The following FAM81A variants were observed in gnomAD, a reference collection of about 807,000 sequenced individuals.
FAM81A encodes family with sequence similarity 81 member A.
In FAM81A, 19 loss-of-function variants were observed where a neutral mutation model predicts 46.7. That is an observed-to-expected ratio of 0.41 (90% CI 0.28 to 0.60). The LOEUF (loss-of-function observed/expected upper bound fraction) is 0.60, where lower values mean the gene tolerates loss of function less well. Ranked by LOEUF, FAM81A falls within the 20% of genes least tolerant of loss-of-function variation. The probability of loss-of-function intolerance (pLI) is 0.34; values close to 1 mark genes in which losing one functional copy is unlikely to be tolerated. For synonymous variants in FAM81A, 183 were observed against 152.9 expected, an observed-to-expected ratio of 1.20 and a Z score of -1.45; for missense variants, 377 against 453.5, an observed-to-expected ratio of 0.83 and a Z score of 1.53.
chr15:59,472,897 T>C (rs1227518028), intron 3 of FAM81A, among the ~76,000 whole-genome samples: 1 of 152,230 alleles, frequency 6.6e-6, no homozygotes, highest in Non-Finnish European at 1.5e-5. Flanking sequence ...CTGGTATCTA[T>C]ATTAAGAATG....
At chr15:59,426,689 T>A (rs2081196433) in intron 2 of FAM81A, among the ~76,000 whole-genome samples, 1 of 152,214 alleles carries the variant, frequency 6.6e-6, no homozygotes, top group African/African-American at 2.4e-5. Context: ...CTGATGTTTC[T>A]TCATCTTTTA....
intron 2 of FAM81A, among the ~76,000 whole-genome samples, chr15:59,410,169 C>T (rs2081114154): frequency 6.6e-6 from 1 of 151,940 alleles, no homozygotes; most frequent in Non-Finnish European, 1.5e-5. Flanking sequence ...TGGTGGCGTG[C>T]ACCTGTAGTC....
chr15:59,417,774 T>C (rs1181344224), intron 2 of FAM81A, among the ~76,000 whole-genome samples: 1 of 152,148 alleles, frequency 6.6e-6, no homozygotes, highest in African/African-American at 2.4e-5. Context: ...TTATCCCTTT[T>C]ATTTTTTTTA....
intron 1 of FAM81A, among the ~76,000 whole-genome samples, chr15:59,443,723 T>C (rs187994937): frequency 1.7e-4 from 26 of 152,290 alleles, no homozygotes; most frequent in Non-Finnish European, 2.9e-4. Context: ...CAGACAGTCA[T>C]TGAGTCAAGT....
At chr15:59,401,355 T>C in intron 1 of FAM81A, 1 of 788,348 alleles carries the variant, frequency 1.3e-6, no homozygotes, top group East Asian at 2.4e-5. Flanking sequence ...GCAGTACCTT[T>C]GGTAATAACA....
At chr15:59,438,117 G>C (rs1454996260), upstream of FAM81A, 1 of 146,168 alleles carries the variant, frequency 6.8e-6, no homozygotes, top group Non-Finnish European at 1.5e-5. Context: ...CGCGAACCCG[G>C]CCGGGCCGCG....
intron 3 of FAM81A, among the ~76,000 whole-genome samples, chr15:59,482,029 C>G (rs953552369): frequency 7.9e-5 from 12 of 152,054 alleles, no homozygotes; most frequent in African/African-American, 2.7e-4. Flanking sequence ...ATACTCTCTG[C>G]TCCCACACAT....
At chr15:59,507,913 G>A (rs190465064) in intron 5 of FAM81A, among the ~76,000 whole-genome samples, 20 of 152,298 alleles carry the variant, frequency 1.3e-4, no homozygotes, top group Admixed American at 1.2e-3. Context: ...ATCATAGGGC[G>A]TGTCTTCTAG....
chr15:59,437,484 G>A (rs1377460839), upstream of FAM81A, among the ~76,000 whole-genome samples: 2 of 152,090 alleles, frequency 1.3e-5, no homozygotes, highest in Middle Eastern at 6.3e-3. Flanking sequence ...GCGCTGGGAG[G>A]GGATGAAGCT....
At chr15:59,511,336 T>C (rs996573807) in intron 6 of FAM81A, among the ~76,000 whole-genome samples, 2 of 152,212 alleles carry the variant, frequency 1.3e-5, no homozygotes, top group East Asian at 1.9e-4. Flanking sequence ...ATTAGAAACA[T>C]TGAATAACTT....
At chr15:59,416,796 G>A (rs78588927) in intron 2 of FAM81A, among the ~76,000 whole-genome samples, 1,525 of 152,162 alleles carry the variant, frequency 0.01, 9 homozygotes, top group South Asian at 0.019. Context: ...AGCGGTCACT[G>A]GAATCATTCC....
At chr15:59,423,614 G>A (rs2081184031) in intron 2 of FAM81A, among the ~76,000 whole-genome samples, 1 of 152,238 alleles carries the variant, frequency 6.6e-6, no homozygotes, top group Middle Eastern at 3.4e-3. Flanking sequence ...ATGGAGAAAC[G>A]TAAACTCTTA....
intron 2 of FAM81A, among the ~76,000 whole-genome samples, chr15:59,428,315 G>T (rs1184401825): frequency 1.3e-5 from 2 of 152,116 alleles, no homozygotes; most frequent in East Asian, 3.9e-4. Context: ...TTCCTTGTCA[G>T]ATGAGTCCTC....
At chr15:59,423,162 A>C (rs1383516677) in intron 2 of FAM81A, among the ~76,000 whole-genome samples, 1 of 152,060 alleles carries the variant, frequency 6.6e-6, no homozygotes, top group Middle Eastern at 3.2e-3. Flanking sequence ...CAGTGGCGCG[A>C]TCTCGGCTCA....
intron 1 of FAM81A, among the ~76,000 whole-genome samples, chr15:59,451,807 C>T (rs2081422650): frequency 1.3e-5 from 1 of 75,784 alleles, no homozygotes; most frequent in South Asian, 3.5e-4. Flanking sequence ...CTGTGTATAC[C>T]ATCCTCCTTT....
intron 2 of FAM81A, 105 bp from the exon 3 acceptor site, chr15:59,459,828 G>A (rs1280657675): frequency 7.1e-7 from 1 of 1,412,498 alleles, no homozygotes; most frequent in Non-Finnish European, 9.3e-7. Context: ...TATTTAGCTT[G>A]TAGTTATAGA....
intron 3 of FAM81A, among the ~76,000 whole-genome samples, chr15:59,477,833 G>T (rs930463434): frequency 6.6e-6 from 1 of 152,150 alleles, no homozygotes; most frequent in Non-Finnish European, 1.5e-5. Flanking sequence ...TTGAATGGAA[G>T]AATTTATTGT....
Position 59,503,191 on chromosome 15 carries a change from G to A in FAM81A, c.414-4022G>A, listed in dbSNP as rs372488613. Among the ~76,000 whole-genome samples the A allele has an allele frequency of 9.0e-5, 13 of 144,094 alleles. No individual in the cohort carries two copies. In the East Asian group the frequency reaches 1.4e-3, roughly 16 times the overall value. 94.5% of individuals were successfully genotyped at this position (144,094 alleles called of 152,430 possible). A position where few individuals can be genotyped will look rare whatever the true frequency, so the allele number is the denominator to read the frequency against. ...CGGGAGGTTGCAGTGAGCTGAGATCGTGCCACTGCACTCCAGCCTGGGCAA... is the reference window on the plus strand; with the variant it reads ...CGGGAGGTTGCAGTGAGCTGAGATCATGCCACTGCACTCCAGCCTGGGCAA... On this transcript the variant is annotated intron_variant, in intron 4 of 8. Coordinates refer to ENST00000288228, the MANE Select transcript of FAM81A (RefSeq NM_152450.3).
chr15:59,511,352 T>G (rs1369776119), intron 6 of FAM81A, among the ~76,000 whole-genome samples: 1 of 152,244 alleles, frequency 6.6e-6, no homozygotes, highest in Non-Finnish European at 1.5e-5. Flanking sequence ...AACTTTAGAC[T>G]TTGATAAATT....
Sources: gnomAD v4.1 joint callset for allele counts (sites outside exome capture counted in the v4.1 genomes callset) on GRCh38, gnomAD v4.1.1 for gene constraint, MANE v1.5 for transcripts, NCBI Gene and HGNC (gene_info 2026-07-23, HGNC 2026-07-21) for gene names.